The following WWP1 variants were observed in gnomAD, a reference collection of about 807,000 sequenced individuals.
WWP1 encodes the protein WW domain containing E3 ubiquitin protein ligase 1.
WWP1 carries 49 observed loss-of-function variants against 130.6 expected under a neutral mutation model. The observed-to-expected ratio is 0.38, with a 90% CI of 0.30 to 0.48. The LOEUF (loss-of-function observed/expected upper bound fraction) is 0.48, where lower values mean the gene tolerates loss of function less well. Ranked by LOEUF, WWP1 falls within the 20% of genes least tolerant of loss-of-function variation. WWP1 has a pLI of 0.99. For missense variants in WWP1, 809 were observed against 1,100.6 expected (o/e 0.74, Z 3.75); for synonymous variants, 332 against 367.8 (o/e 0.90, Z 1.11).
chr8:86,422,496 A>G (rs1470832068), intron 9 of WWP1, among the ~76,000 whole-genome samples: 2 of 151,606 alleles, frequency 1.3e-5, no homozygotes, highest in East Asian at 3.9e-4. Flanking sequence ...AGTAGCTTGG[A>G]TTACAGGAGT....
At chr8:86,404,784 G>A (rs891557835) in intron 8 of WWP1, among the ~76,000 whole-genome samples, 1 of 152,182 alleles carries the variant, frequency 6.6e-6, no homozygotes, top group African/African-American at 2.4e-5. Context: ...GCACTGAGAG[G>A]GCACAGCTAG....
intron 9 of WWP1, among the ~76,000 whole-genome samples, chr8:86,423,229 T>C (rs1361640092): frequency 6.6e-6 from 1 of 151,966 alleles, no homozygotes; most frequent in African/African-American, 2.4e-5. Flanking sequence ...TTTATTTTAT[T>C]TATTTATTTT....
intron 7 of WWP1, among the ~76,000 whole-genome samples, chr8:86,400,088 T>C (rs1389578329): frequency 1.3e-5 from 2 of 152,082 alleles, no homozygotes; most frequent in African/African-American, 4.8e-5. Flanking sequence ...CCCAGTACTT[T>C]GGGAGGCCGA....
rs554105290 is a variant in WWP1, at chr8:86,424,308, C to T, written c.1062-915C>T. Among the ~76,000 whole-genome samples the T allele has an allele frequency of 4.2e-3, 617 of 147,698 alleles. 4 individuals are homozygous for T. The highest frequency in any genetic ancestry group is 0.035 in the Middle Eastern group (10 of 288). On this transcript the variant is annotated intron_variant, in intron 9 of 24. Transcript: ENST00000517970. The stretch of plus-strand genomic sequence containing the variant: ...GGATGGCGGCCGGGAAGAGGCGCTC[C>T]TCACTTCCCAGACTGGGCAGCCGGG...
chr8:86,401,951 A>G (rs995404188), intron 7 of WWP1, 68 bp from the exon 8 acceptor site: 25 of 1,355,642 alleles, frequency 1.8e-5, no homozygotes, highest in Non-Finnish European at 2.3e-5. Context: ...AGTAAATCCT[A>G]TGAAAATTCT....
intron 9 of WWP1, among the ~76,000 whole-genome samples, chr8:86,415,719 G>T (rs545582968): frequency 6.6e-6 from 1 of 152,206 alleles, no homozygotes; most frequent in South Asian, 2.1e-4. Context: ...AATTTTCCCT[G>T]CTGTAGAACT....
Position 86,398,584 on chromosome 8 carries a change from A to C in WWP1, c.485A>C (p.Glu162Ala), listed in dbSNP as rs775254736. ...CSSSPTIEIQ[E>A]NGDALHENGE... ...TCTTGTTGTTCAGTAGAAATACAGG[A>C]AAATGGTGATGCCTTACATGAAAAT... The change falls in exon 7 of 25, where the codon GAA (glutamate) becomes GCA (alanine). Residue 162 changes from glutamate (E) to alanine (A), a missense_variant. By Grantham distance (107) the Glu-to-Ala change is moderately radical (BLOSUM62 -1). Transcript: ENST00000517970. 1 of 1,613,138 alleles carries C rather than the reference A, an allele frequency of 6.2e-7. No individual in the cohort carries two copies. Among genetic ancestry groups the C allele is most frequent in the Non-Finnish European group, 8.5e-7 (1 of 1,179,726 alleles).
At chr8:86,419,165 A>G (rs1200860759) in intron 9 of WWP1, among the ~76,000 whole-genome samples, 1 of 152,168 alleles carries the variant, frequency 6.6e-6, no homozygotes, top group Non-Finnish European at 1.5e-5. Flanking sequence ...CCCGTCTGTA[A>G]TCCCAGCACT....
chr8:86,459,185 G>A lies in WWP1; in HGVS notation c.2499+1160G>A, dbSNP rs369506786. On this transcript the variant is annotated intron_variant, in intron 22 of 24. Transcript: ENST00000517970. ...CAAGTAGTTGGGATTACGGGTGTGC[G>A]CCACCATGCCCGGCTAGTTTTTGCA... is the stretch of plus-strand genomic sequence containing the variant. Among the ~76,000 whole-genome samples, 11 of 151,746 alleles carry A rather than the reference G, an allele frequency of 7.2e-5. 1 individual carries two copies. The highest frequency in any genetic ancestry group is 3.9e-4 in the East Asian group (2 of 5,142).
intron 5 of WWP1, among the ~76,000 whole-genome samples, chr8:86,388,159 CTT>C (rs757352807): frequency 5.0e-5 from 7 of 139,518 alleles, no homozygotes; most frequent in Non-Finnish European, 7.8e-5. Flanking sequence ...TTATCTCTGC[CTT>C]TTTTTTTTTT....
chr8:86,420,277 G>A (rs781708883), intron 9 of WWP1, among the ~76,000 whole-genome samples: 6 of 152,042 alleles, frequency 3.9e-5, no homozygotes, highest in African/African-American at 7.3e-5. Flanking sequence ...GAGCTTGAAC[G>A]TTTTAAGAGG....
intron 8 of WWP1, among the ~76,000 whole-genome samples, chr8:86,408,591 A>G (rs1247600721): frequency 6.6e-6 from 1 of 152,194 alleles, no homozygotes; most frequent in East Asian, 1.9e-4. Flanking sequence ...TTATGTCTGT[A>G]TTCATTCTTT....
intron 9 of WWP1, among the ~76,000 whole-genome samples, chr8:86,414,280 A>G (rs1808753307): frequency 6.6e-6 from 1 of 152,130 alleles, no homozygotes; most frequent in South Asian, 2.1e-4. Flanking sequence ...ATCAGTAGAT[A>G]AATAGCAATC....
chr8:86,361,540 C>T (rs1275808239), intron 1 of WWP1, among the ~76,000 whole-genome samples: 1 of 152,060 alleles, frequency 6.6e-6, no homozygotes, highest in Admixed American at 6.5e-5. Context: ...TTCTTTCTGC[C>T]TTAATAGTTT....
At chr8:86,403,790 A>G (rs370613602) in intron 8 of WWP1, among the ~76,000 whole-genome samples, 7 of 152,100 alleles carry the variant, frequency 4.6e-5, no homozygotes, top group African/African-American at 1.7e-4. Context: ...AAGTACTCAC[A>G]GTAGGTAGAA....
chr8:86,430,848 T>G, intron 12 of WWP1, 97 bp downstream of exon 12: 1 of 405,992 alleles, frequency 2.5e-6, no homozygotes, highest in Non-Finnish European at 3.7e-6. Context: ...TTATTTTATA[T>G]ATATATATCT....
In WWP1 at chr8:86,354,439, GT is replaced by G. The variant is rs563497632; in HGVS notation, c.-115+11519del. On this transcript the variant is annotated intron_variant, in intron 1 of 24. Coordinates refer to ENST00000517970, the MANE Select transcript of WWP1 (RefSeq NM_007013.4). ...GATTTTGTTGCTAAATGAACTTTCA[GT>G]TTTTTTTTTAGCTTTTTGCATTTTG... is the stretch of plus-strand genomic sequence containing the variant. Among the ~76,000 whole-genome samples the G allele has an allele frequency of 2.2e-4, 33 of 148,730 alleles. 1 individual carries two copies. The South Asian group carries it at 3.4e-3, about 15-fold the overall frequency.
In WWP1 at chr8:86,362,706, A is replaced by G. The variant is rs534433280; in HGVS notation, c.-114-6233A>G. Among the ~76,000 whole-genome samples the G allele has an allele frequency of 1.4e-4, 22 of 152,302 alleles. No individual in the cohort carries two copies. The South Asian group carries it at 4.4e-3, about 30-fold the overall frequency. ...ATTATCCTAGAAGATGACAGTGTGT[A>G]GGTATACCACTTCAGAAAGTAGGAG... On this transcript the variant is annotated intron_variant, in intron 1 of 24. Transcript: ENST00000517970.
intron 21 of WWP1, among the ~76,000 whole-genome samples, chr8:86,452,890 A>C (rs1466904590): frequency 6.6e-6 from 1 of 152,148 alleles, no homozygotes; most frequent in Non-Finnish European, 1.5e-5. Context: ...TGAGCACAAA[A>C]TCATCAATCA....
Sources: gnomAD v4.1 joint callset for allele counts (sites outside exome capture counted in the v4.1 genomes callset) on GRCh38, gnomAD v4.1.1 for gene constraint, MANE v1.5 for transcripts, NCBI Gene and HGNC (gene_info 2026-07-23, HGNC 2026-07-21) for gene names.